Variants in TCF3 observed in about 807,000 individuals in gnomAD.
TCF3 encodes the protein transcription factor E2-alpha.
In TCF3, 54 loss-of-function variants were observed where a neutral mutation model predicts 72.3. The ratio of observed to expected loss-of-function variants is 0.75; its 90% CI spans 0.60 to 0.94. The LOEUF (loss-of-function observed/expected upper bound fraction) is 0.94. TCF3 is among the 40% of genes least tolerant of loss of function. TCF3 has a pLI of 0.00. For missense variants in TCF3, 1,078 were observed against 934.4 expected, an observed-to-expected ratio of 1.15 and a Z score of -2.00; for synonymous variants, 525 against 412.6, an observed-to-expected ratio of 1.27 and a Z score of -3.30.
chr19:1,619,841 C>A lies in TCF3; in HGVS notation c.1106G>T (p.Trp369Leu). Residue 369 changes from tryptophan to leucine, a missense_variant, in exon 14 of 19, where the codon TGG becomes TTG. Coordinates refer to ENST00000262965, the MANE Select transcript of TCF3 (RefSeq NM_003200.5). ...GGCACCGGGGGCTCCTGCTCGAGGC[C>A]ACTGTGACGTTCCTGGAAGGGAGTG... ...SPQGLAGTSQ[W>L]PRAGAPGALS... 1 of 1,578,270 alleles carries A rather than the reference C, an allele frequency of 6.3e-7. No individual in the cohort carries two copies. Among genetic ancestry groups the A allele is most frequent in the Non-Finnish European group, 8.6e-7 (1 of 1,162,948 alleles).
chr19:1,611,826 C>T lies in TCF3; in HGVS notation c.1846G>A (p.Ala616Thr), dbSNP rs1165077213. Residue 616 changes from alanine (A) to threonine (T), a missense_variant, in exon 19 of 19, where the codon GCC (alanine) becomes ACC (threonine). By Grantham distance (58) the Ala-to-Thr change is moderately conservative. Coordinates refer to ENST00000262965, the MANE Select transcript of TCF3 (RefSeq NM_003200.5). ...VRERNLNPKA[A>T]CLKRREEEKV... ...TCCTCTTCTCGCCGTTTCAAACAGG[C>T]TGCTTTGGGATTCAGGTTCCGCTCT... The T allele has an allele frequency of 1.2e-6, 2 of 1,612,648 alleles. No homozygotes were observed. The highest frequency in any genetic ancestry group is 1.7e-6 in the Non-Finnish European group (2 of 1,179,760).
rs1202084767 is a variant in TCF3, at chr19:1,609,414, AC to A, written c.*2292del. ...TCCAGCCAGCTGTGTTGACACGTAT[AC>A]AATTATTTTCTTTAAAAAAATTTTT... On this transcript the variant is annotated 3_prime_UTR_variant, in exon 19 of 19. Transcript: ENST00000262965. 4.8e-6 allele frequency: 1 copy of A among 210,210 alleles called. No individual in the cohort carries two copies. Among genetic ancestry groups the A allele is most frequent in the Non-Finnish European group, 9.6e-6 (1 of 103,656 alleles). 13.0% of individuals were successfully genotyped at this position (210,210 alleles called of 1,614,324 possible). A position where few individuals can be genotyped will look rare whatever the true frequency, so the allele number is the denominator to read the frequency against.
rs765455493 is a variant in TCF3 at position 1,615,237 on chromosome 19, A to T, written c.1822+48T>A. Reference sequence around the variant, plus strand: ...GAAGGAGAACGAGGGCAGGAACACGAGGGAGGGTGGCGCTGCAGGGACGCT... The same window carrying T: ...GAAGGAGAACGAGGGCAGGAACACGTGGGAGGGTGGCGCTGCAGGGACGCT... On this transcript the variant is annotated intron_variant, in intron 18 of 18. Coordinates refer to ENST00000262965, the MANE Select transcript of TCF3 (RefSeq NM_003200.5). The surrounding 1 kb of genome is among the most constrained non-coding windows in gnomAD (Gnocchi z 7.3). 3.0e-5 allele frequency: 46 copies of T among 1,531,186 alleles called. No homozygotes were observed. Among genetic ancestry groups the T allele is most frequent in the African/African-American group, 4.1e-5 (3 of 72,554 alleles). 94.8% of individuals were successfully genotyped at this position (1,531,186 alleles called of 1,614,324 possible).
intron 18 of TCF3, chr19:1,612,469 G>A (rs539055629): frequency 2.0e-5 from 26 of 1,282,562 alleles, no homozygotes; most frequent in Middle Eastern, 1.9e-4. Context: ...TTAGTGATGC[G>A]CCAAGGCTGG....
chr19:1,637,127 C>T (rs570283778), intron 3 of TCF3, among the ~76,000 whole-genome samples: 1 of 152,056 alleles, frequency 6.6e-6, no homozygotes, highest in Non-Finnish European at 1.5e-5. Context: ...AACTGGCAAC[C>T]TCCTCCACCA....
At chr19:1,625,238 G>A (rs575132050) in intron 7 of TCF3, among the ~76,000 whole-genome samples, 193 of 152,338 alleles carry the variant, frequency 1.3e-3, no homozygotes, top group African/African-American at 4.2e-3. Flanking sequence ...GGGGATGCCC[G>A]CGTGTGCAGC....
chr19:1,637,425 G>GA (rs2064588369), intron 3 of TCF3, among the ~76,000 whole-genome samples: 2 of 152,234 alleles, frequency 1.3e-5, no homozygotes, highest in African/African-American at 4.8e-5. Flanking sequence ...CTGGAGGGCA[G>GA]AGCTGGCCCC....
intron 7 of TCF3, among the ~76,000 whole-genome samples, chr19:1,624,913 G>T (rs1045427065): frequency 1.3e-5 from 2 of 152,174 alleles, no homozygotes; most frequent in Non-Finnish European, 2.9e-5. Context: ...TGGTGCGATC[G>T]CAGCTCATTG....
chr19:1,648,383 C>T (rs2066458830), intron 2 of TCF3, among the ~76,000 whole-genome samples: 1 of 152,146 alleles, frequency 6.6e-6, no homozygotes, highest in African/African-American at 2.4e-5. Flanking sequence ...ACGGGCACCT[C>T]GCCGCTCCCA....
At chr19:1,631,857 C>T (rs1322586229) in intron 5 of TCF3, 181 bp downstream of exon 5, 2 of 1,482,242 alleles carry the variant, frequency 1.3e-6, no homozygotes, top group Non-Finnish European at 1.8e-6. Context: ...GCCAGGGAGT[C>T]CGGGCCACGT....
In TCF3 at chr19:1,625,679, G is replaced by A; in HGVS notation, c.396C>T (p.Leu132=). The A allele has an allele frequency of 5.9e-6, 9 of 1,523,604 alleles. No individual in the cohort carries two copies. Among genetic ancestry groups the A allele is most frequent in the South Asian group, 1.2e-5 (1 of 80,064 alleles). The allele number at this position is 1,523,604 out of a possible 1,614,324, so 94.4% of individuals were successfully genotyped here. The change falls in exon 7 of 19, where the codon CTC becomes CTT. Residue 132 remains leucine (L), a synonymous_variant. Coordinates refer to ENST00000262965, the MANE Select transcript of TCF3 (RefSeq NM_003200.5). ...AAGGGGACAGGGGCCCGGGGCTGTT[G>A]AGGGCCAGCTCGCCTGACAGGAAGC... The part of the protein sequence containing the change: ...QAGFLSGELA[L]NSPGPLSPSG...
chr19:1,637,143 G>A (rs1268362942), intron 3 of TCF3, among the ~76,000 whole-genome samples: 3 of 151,050 alleles, frequency 2.0e-5, no homozygotes, highest in Non-Finnish European at 3.0e-5. Flanking sequence ...CACCAGAAGC[G>A]GGGACAACCT....
chr19:1,626,464 A>C (rs984093703), intron 6 of TCF3, among the ~76,000 whole-genome samples: 48 of 151,424 alleles, frequency 3.2e-4, no homozygotes, highest in African/African-American at 1.1e-3. Flanking sequence ...AAAAAAAAAG[A>C]ATCATCTGTT....
chr19:1,613,856 T>C (rs776123928), intron 18 of TCF3, among the ~76,000 whole-genome samples: 18 of 152,218 alleles, frequency 1.2e-4, no homozygotes, highest in Admixed American at 3.9e-4. Context: ...CCATTGTCAC[T>C]GCCACCGTGA....
intron 3 of TCF3, among the ~76,000 whole-genome samples, chr19:1,639,424 C>T (rs962205210): frequency 8.5e-5 from 13 of 152,142 alleles, no homozygotes; most frequent in African/African-American, 2.9e-4. Context: ...AGCCCACAAT[C>T]CTGGCATCTA....
intron 18 of TCF3, chr19:1,612,070 A>G (rs1599407746): frequency 6.5e-6 from 6 of 919,694 alleles, no homozygotes; most frequent in Non-Finnish European, 9.6e-6. Context: ...TCTGGGGAAC[A>G]TCACTGGGTC....
chr19:1,611,901 A>C (rs760261180), intron 18 of TCF3, 52 bp from the exon 19 acceptor site: 6 of 994,620 alleles, frequency 6.0e-6, no homozygotes, highest in Admixed American at 8.1e-5. Context: ...GAGGAGAAAG[A>C]TGTGAGGTGG....
intron 8 of TCF3, among the ~76,000 whole-genome samples, chr19:1,622,742 A>C (rs1036304614): frequency 1.3e-5 from 2 of 152,026 alleles, no homozygotes; most frequent in Non-Finnish European, 2.9e-5. Context: ...GACCCATCAA[A>C]ACCCCAGCTC....
intron 1 of TCF3, among the ~76,000 whole-genome samples, chr19:1,651,627 G>A (rs1264233549): frequency 6.6e-6 from 1 of 152,128 alleles, no homozygotes; most frequent in Non-Finnish European, 1.5e-5. Context: ...TTTGCACGGC[G>A]CCGAAGGCGG....
Sources: gnomAD v4.1 joint callset for allele counts (sites outside exome capture counted in the v4.1 genomes callset) on GRCh38, gnomAD v4.1.1 for gene constraint, Gnocchi (gnomAD v3.1) non-coding constraint, MANE v1.5 for transcripts, NCBI Gene and HGNC (gene_info 2026-07-23, HGNC 2026-07-21) for gene names.